CSGALNACT1: variants seen among roughly 807,000 people sequenced by gnomAD.
CSGALNACT1 encodes beta4GalNAcT-1.
Under a neutral mutation model 51.0 loss-of-function variants are expected in CSGALNACT1, and 52 were observed. The ratio of observed to expected loss-of-function variants is 1.02; its 90% CI spans 0.82 to 1.29. The LOEUF (loss-of-function observed/expected upper bound fraction) is 1.29, where lower values mean the gene tolerates loss of function less well. Ranked by LOEUF, CSGALNACT1 falls within the 50% of genes most tolerant of loss-of-function variation. CSGALNACT1 has a pLI of 0.00. For missense variants in CSGALNACT1, 935 were observed against 679.2 expected, an observed-to-expected ratio of 1.38 and a Z score of -4.19; for synonymous variants, 341 against 254.4, an observed-to-expected ratio of 1.34 and a Z score of -3.24.
At chr8:19,446,041 G>A (rs1189295460) in intron 5 of CSGALNACT1, among the ~76,000 whole-genome samples, 1 of 152,156 alleles carries the variant, frequency 6.6e-6, no homozygotes, top group African/African-American at 2.4e-5. Context: ...CAGGCCTGGT[G>A]ATACAGGCCT....
chr8:19,640,820 T>C (rs1224265998), intron 1 of CSGALNACT1, among the ~76,000 whole-genome samples: 1 of 152,178 alleles, frequency 6.6e-6, no homozygotes, highest in African/African-American at 2.4e-5. Flanking sequence ...ATGAAATCTT[T>C]AGCAAACACA....
chr8:19,462,788 G>T (rs941127013), intron 4 of CSGALNACT1, among the ~76,000 whole-genome samples: 1 of 151,558 alleles, frequency 6.6e-6, no homozygotes, highest in African/African-American at 2.4e-5. Context: ...AATCTGATTT[G>T]GGATCCCTTA....
intron 3 of CSGALNACT1, among the ~76,000 whole-genome samples, chr8:19,545,630 T>G (rs2086284231): frequency 6.6e-6 from 1 of 151,928 alleles, no homozygotes; most frequent in African/African-American, 2.4e-5. Flanking sequence ...TGAATGAGTA[T>G]GCTAAAAAGA....
chr8:19,742,110 T>C (rs1428489495), intron 1 of CSGALNACT1, among the ~76,000 whole-genome samples: 1 of 152,220 alleles, frequency 6.6e-6, no homozygotes, highest in East Asian at 1.9e-4. Flanking sequence ...ATAAATGTTA[T>C]AATGCCCATT....
rs1159626193 is a variant in CSGALNACT1, at chr8:19,541,553, A to ATTTTTTTTTTTTTTTT, written c.-296-35439_-296-35424dup. On this transcript the variant is annotated intron_variant, in intron 3 of 9. Coordinates refer to ENST00000454498, the Ensembl canonical transcript of CSGALNACT1. The stretch of plus-strand genomic sequence containing the variant: ...AGGTGTGAGCCACCGTGCTCAGCCA[A>ATTTTTTTTTTTTTTTT]TTTTTTTTTTTTTTTTTTTTTTTTT... Among the ~76,000 whole-genome samples the ATTTTTTTTTTTTTTTT allele has an allele frequency of 2.8e-3, 197 of 70,094 alleles. 51 individuals are homozygous for ATTTTTTTTTTTTTTTT. Among genetic ancestry groups the ATTTTTTTTTTTTTTTT allele is most frequent in the Middle Eastern group, 0.012 (1 of 86 alleles). 46.0% of individuals were successfully genotyped at this position (70,094 alleles called of 152,430 possible).
At chr8:19,737,344 A>T (rs572332508) in intron 1 of CSGALNACT1, among the ~76,000 whole-genome samples, 4 of 152,312 alleles carry the variant, frequency 2.6e-5, no homozygotes, top group African/African-American at 9.6e-5. Context: ...AACCCAAATG[A>T]ATGCTCACCA....
At chr8:19,743,462 A>G (rs2064443254) in intron 1 of CSGALNACT1, among the ~76,000 whole-genome samples, 1 of 152,240 alleles carries the variant, frequency 6.6e-6, no homozygotes, top group Admixed American at 6.5e-5. Flanking sequence ...TATCAAAGAT[A>G]CTAGAGTGAG....
intron 8 of CSGALNACT1, among the ~76,000 whole-genome samples, chr8:19,411,048 T>C (rs1352056389): frequency 2.0e-5 from 3 of 152,196 alleles, no homozygotes; most frequent in Non-Finnish European, 4.4e-5. Flanking sequence ...CCTTCTGCCC[T>C]ATATAAGGCC....
At chr8:19,687,609 A>G (rs2061050374) in intron 1 of CSGALNACT1, among the ~76,000 whole-genome samples, 1 of 152,222 alleles carries the variant, frequency 6.6e-6, no homozygotes, top group South Asian at 2.1e-4. Context: ...CACTAATATA[A>G]TTCCTGAAAT....
Position 19,478,602 on chromosome 8 carries a change from G to A in CSGALNACT1, c.635-19960C>T, listed in dbSNP as rs371574303. ...ATAATCCAGTGATTCCTGCAAGGAG[G>A]TAACATCATTCACAGGCAGTCATGG... On this transcript the variant is annotated intron_variant, in intron 4 of 9. Transcript: ENST00000454498. Among the ~76,000 whole-genome samples, 340 of 152,178 alleles carry A rather than the reference G, an allele frequency of 2.2e-3. 4 individuals carry two copies. Among genetic ancestry groups the A allele is most frequent in the African/African-American group, 7.8e-3 (324 of 41,512 alleles).
chr8:19,408,492 TTTTTTG>T (rs2054829046), intron 9 of CSGALNACT1, 115 bp downstream of exon 8: 20 of 436,996 alleles, frequency 4.6e-5, no homozygotes, highest in African/African-American at 9.0e-5. Context: ...TTTTTTTTTT[TTTTTTG>T]AAGGCAATGG....
chr8:19,757,661 C>T lies in CSGALNACT1; in HGVS notation c.-297+189G>A, dbSNP rs565154988. On this transcript the variant is annotated intron_variant, in intron 1 of 1. Transcript: ENST00000517494. This position sits in a 1 kb window ranked among gnomAD's most constrained non-coding sequence, Gnocchi z 4.0. Reference sequence around the variant, plus strand: ...AGAGGTGTCCAATCTCCATGGGGTCCTTACTCTTGCAGGACAGAGTTCCCC... The same window carrying T: ...AGAGGTGTCCAATCTCCATGGGGTCTTTACTCTTGCAGGACAGAGTTCCCC... Among the ~76,000 whole-genome samples the T allele has an allele frequency of 3.9e-5, 6 of 152,138 alleles. No individual in the cohort carries two copies. The highest frequency in any genetic ancestry group is 6.5e-5 in the Admixed American group (1 of 15,288).
intron 3 of CSGALNACT1, among the ~76,000 whole-genome samples, chr8:19,577,850 C>A (rs1014569590): frequency 3.3e-5 from 5 of 152,288 alleles, no homozygotes; most frequent in South Asian, 4.1e-4. Flanking sequence ...CCTCCCAGGT[C>A]CCCTATAGCA....
chr8:19,743,135 A>T (rs1256624414), intron 1 of CSGALNACT1, among the ~76,000 whole-genome samples: 1 of 152,264 alleles, frequency 6.6e-6, no homozygotes. Flanking sequence ...GGAAAGGAAC[A>T]CTGTTGCTAT....
intron 4 of CSGALNACT1, among the ~76,000 whole-genome samples, chr8:19,479,425 T>A (rs188234554): frequency 1.3e-5 from 2 of 152,378 alleles, no homozygotes; most frequent in African/African-American, 4.8e-5. Context: ...GGCTGGCCTT[T>A]GGTTTTATCA....
upstream of CSGALNACT1, among the ~76,000 whole-genome samples, chr8:19,684,280 T>C (rs1480484278): frequency 1.3e-5 from 2 of 152,136 alleles, no homozygotes; most frequent in African/African-American, 2.4e-5. Flanking sequence ...AATAATTTAT[T>C]ATATGGTAAA....
chr8:19,554,895 G>A (rs1206716822), intron 3 of CSGALNACT1, among the ~76,000 whole-genome samples: 1 of 152,102 alleles, frequency 6.6e-6, no homozygotes, highest in Non-Finnish European at 1.5e-5. Flanking sequence ...TGCAGCCTGG[G>A]TGACAGAGGG....
intron 3 of CSGALNACT1, among the ~76,000 whole-genome samples, chr8:19,533,319 G>T (rs1238590101): frequency 6.6e-6 from 1 of 151,944 alleles, no homozygotes; most frequent in Non-Finnish European, 1.5e-5. Flanking sequence ...ATGGGGTCTT[G>T]CTATGTTGCC....
At position 19,427,190 on chromosome 8, in the gene CSGALNACT1, G is replaced by C. The variant is rs979766139; in HGVS notation, c.954-6672C>G. ...GGAACTTCATTTTTGCCTTTCCATC[G>C]GTTCTAAAAGTTCATGTGAGCATGA... On this transcript the variant is annotated intron_variant, in intron 6 of 9. Coordinates refer to ENST00000454498, the Ensembl canonical transcript of CSGALNACT1. Among the ~76,000 whole-genome samples, 3 of 152,024 alleles carry C rather than the reference G, an allele frequency of 2.0e-5. No individual in the cohort carries two copies. The South Asian group carries it at 6.2e-4, about 32-fold the overall frequency.
Sources: gnomAD v4.1 joint callset for allele counts (sites outside exome capture counted in the v4.1 genomes callset) on GRCh38, gnomAD v4.1.1 for gene constraint, Gnocchi (gnomAD v3.1) non-coding constraint, MANE v1.5 for transcripts, NCBI Gene and HGNC (gene_info 2026-07-23, HGNC 2026-07-21) for gene names.